The following SOX5 variants were observed in gnomAD, a reference collection of about 807,000 sequenced individuals.
The protein encoded by SOX5 is transcription factor SOX-5.
A neutral mutation model predicts 92.0 loss-of-function variants in SOX5; 9 were observed. That is an observed-to-expected ratio of 0.10 (90% CI 0.06 to 0.17). The LOEUF (loss-of-function observed/expected upper bound fraction) is 0.17, where lower values mean the gene tolerates loss of function less well. SOX5 is among the 10% of genes least tolerant of loss of function. The probability of loss-of-function intolerance (pLI) is 1.00; values close to 1 mark genes in which losing one functional copy is unlikely to be tolerated. For missense variants in SOX5, 642 were observed against 944.5 expected, an observed-to-expected ratio of 0.68 and a Z score of 4.20; for synonymous variants, 344 against 336.3, an observed-to-expected ratio of 1.02 and a Z score of -0.25.
At chr12:23,610,594 G>C (rs1028351877) in intron 8 of SOX5, among the ~76,000 whole-genome samples, 19 of 152,036 alleles carry the variant, frequency 1.2e-4, no homozygotes. Flanking sequence ...TTTCATAATA[G>C]TGACTATACA....
intron 13 of SOX5, among the ~76,000 whole-genome samples, chr12:23,538,083 C>T (rs1186376075): frequency 6.6e-6 from 1 of 152,112 alleles, no homozygotes; most frequent in Non-Finnish European, 1.5e-5. Flanking sequence ...TGGCCTTATA[C>T]CTGCCTTCAA....
At chr12:23,541,836 C>T (rs1006163465) in intron 13 of SOX5, among the ~76,000 whole-genome samples, 2 of 152,114 alleles carry the variant, frequency 1.3e-5, no homozygotes, top group South Asian at 2.1e-4. Flanking sequence ...TACGGCCGGG[C>T]GTGGTGGCTC....
intron 3 of SOX5, among the ~76,000 whole-genome samples, chr12:23,767,972 G>C (rs1328820908): frequency 2.6e-5 from 4 of 152,088 alleles, no homozygotes; most frequent in Non-Finnish European, 5.9e-5. Flanking sequence ...CATTACGAAT[G>C]TATCTGAGGA....
At chr12:23,601,956 A>C (rs1050378995) in intron 9 of SOX5, among the ~76,000 whole-genome samples, 2 of 152,158 alleles carry the variant, frequency 1.3e-5, no homozygotes, top group African/African-American at 4.8e-5. Flanking sequence ...AATCGTTGTT[A>C]CTTGAAAAGA....
At chr12:23,753,843 G>A (rs2094270307) in intron 4 of SOX5, among the ~76,000 whole-genome samples, 1 of 151,770 alleles carries the variant, frequency 6.6e-6, no homozygotes, top group Admixed American at 6.6e-5. Context: ...TATGAACAAT[G>A]GATAGTAATT....
chr12:24,127,109 C>G (rs919311466), intron 4 of SOX5, among the ~76,000 whole-genome samples: 6 of 151,856 alleles, frequency 4.0e-5, no homozygotes, highest in African/African-American at 1.2e-4. Flanking sequence ...AAGTTGATGC[C>G]AGGCACAGTG....
chr12:23,653,647 C>G (rs1449576679), intron 7 of SOX5, among the ~76,000 whole-genome samples: 1 of 152,030 alleles, frequency 6.6e-6, no homozygotes, highest in Non-Finnish European at 1.5e-5. Flanking sequence ...GATGAAGGCC[C>G]ATTTTTTGAT....
chr12:24,098,122 T>C (rs1449995460), intron 4 of SOX5, among the ~76,000 whole-genome samples: 1 of 152,180 alleles, frequency 6.6e-6, no homozygotes, highest in Admixed American at 6.6e-5. Context: ...GTAGGTGTGA[T>C]GCTTGGAAGT....
At chr12:23,652,167 A>G (rs770843546) in intron 7 of SOX5, among the ~76,000 whole-genome samples, 17 of 152,026 alleles carry the variant, frequency 1.1e-4, no homozygotes, top group Non-Finnish European at 7.4e-5. Context: ...TGACCTCTGA[A>G]TTGCCAAATT....
intron 1 of SOX5, among the ~76,000 whole-genome samples, chr12:23,900,749 G>A (rs2097221467): frequency 6.6e-6 from 1 of 152,090 alleles, no homozygotes. Context: ...GCTGAGATGG[G>A]TGGATCACGA....
intron 1 of SOX5, among the ~76,000 whole-genome samples, chr12:24,377,509 T>C (rs1046365036): frequency 6.6e-6 from 1 of 152,216 alleles, no homozygotes; most frequent in African/African-American, 2.4e-5. Flanking sequence ...TCATGAGGTA[T>C]CAGTGTATAG....
intron 1 of SOX5, among the ~76,000 whole-genome samples, chr12:24,465,974 T>C (rs1944190600): frequency 6.6e-6 from 1 of 152,204 alleles, no homozygotes; most frequent in African/African-American, 2.4e-5. Context: ...AATACTATGA[T>C]TTATAGTAAC....
At chr12:23,987,999 T>C (rs974508599) in intron 4 of SOX5, among the ~76,000 whole-genome samples, 9 of 152,186 alleles carry the variant, frequency 5.9e-5, no homozygotes, top group African/African-American at 1.4e-4. Flanking sequence ...TGAGAGATGA[T>C]AGTAGTTTGT....
chr12:23,957,354 G>A lies in SOX5; in HGVS notation c.-1-61330C>T, dbSNP rs144775804. On this transcript the variant is annotated intron_variant, in intron 4 of 4. Transcript: ENST00000446891. ...CTATTTGTGATTCTGAAAAAATTTC[G>A]TGCCTGAGATTTTAGTTTCTCCAAG... 1.5e-4 allele frequency among the ~76,000 whole-genome samples: 23 copies of A among 152,116 alleles called. 1 individual carries two copies. The highest frequency in any genetic ancestry group is 7.2e-4 in the Admixed American group (11 of 15,276).
At chr12:23,845,416 C>A (rs10771038) in intron 3 of SOX5, among the ~76,000 whole-genome samples, 2 of 151,858 alleles carry the variant, frequency 1.3e-5, no homozygotes, top group African/African-American at 4.8e-5. Context: ...CCTGAAGGTT[C>A]CTATCAGGAA....
At chr12:23,837,913 A>AGT (rs1568210210) in intron 3 of SOX5, among the ~76,000 whole-genome samples, 1 of 115,026 alleles carries the variant, frequency 8.7e-6, no homozygotes, top group African/African-American at 3.5e-5. Flanking sequence ...ATATTTATAT[A>AGT]CTATGTTTAT....
chr12:23,614,713 A>G (rs2076349635), intron 8 of SOX5, among the ~76,000 whole-genome samples: 1 of 152,168 alleles, frequency 6.6e-6, no homozygotes, highest in Non-Finnish European at 1.5e-5. Context: ...CTTCATGTTT[A>G]CCTTCTAAGG....
At chr12:23,589,268 T>C (rs1008040170) in intron 9 of SOX5, among the ~76,000 whole-genome samples, 5 of 151,956 alleles carry the variant, frequency 3.3e-5, no homozygotes, top group African/African-American at 4.8e-5. Flanking sequence ...TAAAACTTTA[T>C]TTGAACTATC....
In SOX5 at chr12:23,840,901, T is replaced by C. The variant is rs78356249; in HGVS notation, c.481+5082A>G. ...CTACACTAACTTCAAGAAGACAAGA[T>C]AGGAGAAAATCTAAGCGACCCTGGA... On this transcript the variant is annotated intron_variant, in intron 3 of 14. Coordinates refer to ENST00000451604, the MANE Select transcript of SOX5 (RefSeq NM_006940.6). Among the ~76,000 whole-genome samples the C allele has an allele frequency of 1.6e-3, 239 of 152,156 alleles. 2 individuals carry two copies. Among genetic ancestry groups the C allele is most frequent in the African/African-American group, 5.2e-3 (217 of 41,524 alleles).
Sources: allele counts gnomAD v4.1 joint callset (sites outside exome capture counted in the v4.1 genomes callset), GRCh38; gene constraint gnomAD v4.1.1; transcripts MANE v1.5; gene names NCBI Gene and HGNC (gene_info 2026-07-23, HGNC 2026-07-21).